MAD1L1: variants seen among roughly 807,000 people sequenced by gnomAD.
The protein encoded by MAD1L1 is mitotic arrest deficient 1 like 1.
Under a neutral mutation model 96.9 loss-of-function variants are expected in MAD1L1, and 95 were observed. The ratio of observed to expected loss-of-function variants is 0.98; its 90% CI spans 0.83 to 1.16. The LOEUF is 1.16. Ranked by LOEUF, MAD1L1 falls within the 50% of genes most tolerant of loss-of-function variation. The probability of loss-of-function intolerance (pLI) is 0.00; values close to 1 mark genes in which losing one functional copy is unlikely to be tolerated. For synonymous variants in MAD1L1, 473 were observed against 396.6 expected (o/e 1.19, Z -2.29); for missense variants, 1,007 against 954.4 (o/e 1.06, Z -0.73).
At chr7:2,194,045 G>A (rs1192925627) in intron 10 of MAD1L1, among the ~76,000 whole-genome samples, 1 of 146,132 alleles carries the variant, frequency 6.8e-6, no homozygotes, top group Non-Finnish European at 1.5e-5. Flanking sequence ...CTGGGCTCAG[G>A]TGATCCTCCT....
chr7:2,137,474 G>A (rs1788809716), intron 11 of MAD1L1, among the ~76,000 whole-genome samples: 1 of 152,148 alleles, frequency 6.6e-6, no homozygotes, highest in Non-Finnish European at 1.5e-5. Flanking sequence ...CATGTTACCG[G>A]TCTGCTTGGC....
chr7:2,212,321 G>C (rs913893478), intron 10 of MAD1L1, among the ~76,000 whole-genome samples: 1 of 152,226 alleles, frequency 6.6e-6, no homozygotes, highest in Non-Finnish European at 1.5e-5. Context: ...GCTTGGCACA[G>C]ACTGCGTGAA....
intron 17 of MAD1L1, among the ~76,000 whole-genome samples, chr7:1,934,339 G>C (rs912088276): frequency 6.6e-6 from 1 of 152,260 alleles, no homozygotes; most frequent in Non-Finnish European, 1.5e-5. Context: ...GCGTGCCTGA[G>C]ACGCGCAGAG....
At chr7:2,054,749 G>A (rs1784318271) in intron 12 of MAD1L1, among the ~76,000 whole-genome samples, 1 of 152,216 alleles carries the variant, frequency 6.6e-6, no homozygotes, top group Admixed American at 6.5e-5. Context: ...GCGTCTCAGG[G>A]CCCCTCCTGC....
At chr7:1,978,737 C>A (rs1012311489) in intron 15 of MAD1L1, among the ~76,000 whole-genome samples, 3 of 152,166 alleles carry the variant, frequency 2.0e-5, no homozygotes, top group African/African-American at 7.2e-5. Flanking sequence ...ACGACAGAGC[C>A]TCTAGGTGAA....
At chr7:2,188,071 A>C (rs1317661791) in intron 10 of MAD1L1, among the ~76,000 whole-genome samples, 1 of 152,238 alleles carries the variant, frequency 6.6e-6, no homozygotes, top group Non-Finnish European at 1.5e-5. Flanking sequence ...AAAGACCTAC[A>C]TAATTCAGTG....
At chr7:1,973,108 C>G (rs1461770440) in intron 15 of MAD1L1, among the ~76,000 whole-genome samples, 1 of 152,190 alleles carries the variant, frequency 6.6e-6, no homozygotes, top group Non-Finnish European at 1.5e-5. Flanking sequence ...AATGCAGAGG[C>G]AAGAGTCCTC....
chr7:1,954,495 C>T (rs575003272), intron 16 of MAD1L1, among the ~76,000 whole-genome samples: 1 of 152,288 alleles, frequency 6.6e-6, no homozygotes, highest in East Asian at 1.9e-4. Context: ...ACAGGGCACA[C>T]TCAGGAGGTG....
At chr7:2,047,795 TCACA>T (rs1297441073) in intron 12 of MAD1L1, among the ~76,000 whole-genome samples, 3 of 151,628 alleles carry the variant, frequency 2.0e-5, no homozygotes, top group Non-Finnish European at 4.4e-5. Context: ...ACATGCACAC[TCACA>T]CACGTGCACT....
chr7:1,982,042 A>G (rs749739947), intron 14 of MAD1L1, among the ~76,000 whole-genome samples: 1 of 151,992 alleles, frequency 6.6e-6, no homozygotes, highest in African/African-American at 2.4e-5. Context: ...CAACGTTCTG[A>G]GGTTTGAGCA....
At chr7:2,011,356 T>C (rs940187547) in intron 13 of MAD1L1, among the ~76,000 whole-genome samples, 7 of 152,168 alleles carry the variant, frequency 4.6e-5, no homozygotes, top group African/African-American at 1.7e-4. Context: ...CCCTGGAGCA[T>C]AGCACTCCTG....
intron 16 of MAD1L1, among the ~76,000 whole-genome samples, chr7:1,947,530 A>G (rs557356926): frequency 2.6e-5 from 4 of 152,190 alleles, no homozygotes; most frequent in Non-Finnish European, 5.9e-5. Context: ...GCATTGCAGA[A>G]CCAGGCCCAC....
intron 10 of MAD1L1, among the ~76,000 whole-genome samples, chr7:2,158,273 T>A (rs1397755588): frequency 2.0e-5 from 3 of 152,184 alleles, no homozygotes; most frequent in Non-Finnish European, 4.4e-5. Context: ...CACAGCTATT[T>A]TGGGGCTAAT....
At chr7:2,162,870 ATCTT>A (rs973482922) in intron 10 of MAD1L1, among the ~76,000 whole-genome samples, 1 of 147,588 alleles carries the variant, frequency 6.8e-6, no homozygotes, top group Non-Finnish European at 1.5e-5. Flanking sequence ...TTGGAGTTTC[ATCTT>A]TTTTTTTTTT....
chr7:2,162,928 C>T (rs1790238904), intron 10 of MAD1L1, among the ~76,000 whole-genome samples: 1 of 149,804 alleles, frequency 6.7e-6, no homozygotes, highest in Non-Finnish European at 1.5e-5. Flanking sequence ...TGATTGTTAG[C>T]TTTGTTTCTT....
chr7:1,897,185 G>A (rs1256859968), intron 18 of MAD1L1, among the ~76,000 whole-genome samples: 3 of 152,288 alleles, frequency 2.0e-5, no homozygotes, highest in Non-Finnish European at 4.4e-5. Flanking sequence ...CAGACAGGCA[G>A]CGGCTCACCG....
At chr7:1,886,565 G>A (rs1018621830) in intron 18 of MAD1L1, among the ~76,000 whole-genome samples, 3 of 152,234 alleles carry the variant, frequency 2.0e-5, no homozygotes, top group South Asian at 2.1e-4. Context: ...CCCACCTGGG[G>A]CTCGCACACC....
chr7:2,145,964 C>T (rs952740710), intron 11 of MAD1L1, among the ~76,000 whole-genome samples: 11 of 152,202 alleles, frequency 7.2e-5, no homozygotes, highest in Non-Finnish European at 1.5e-4. Context: ...ACCAAGACAG[C>T]GACTGTGGGA....
intron 18 of MAD1L1, among the ~76,000 whole-genome samples, chr7:1,843,258 T>C (rs895463510): frequency 1.3e-5 from 2 of 152,222 alleles, no homozygotes; most frequent in African/African-American, 4.8e-5. Flanking sequence ...TCTGTCTTCC[T>C]GGGCCTTACA....
Sources: gnomAD v4.1 joint callset for allele counts (sites outside exome capture counted in the v4.1 genomes callset) on GRCh38, gnomAD v4.1.1 for gene constraint, MANE v1.5 for transcripts, NCBI Gene and HGNC (gene_info 2026-07-23, HGNC 2026-07-21) for gene names.